Variants in RC3H2 observed in about 807,000 individuals in gnomAD.
RC3H2 encodes the protein ring finger and CCCH-type domains 2.
RC3H2 carries 31 observed loss-of-function variants against 133.3 expected under a neutral mutation model. The observed-to-expected ratio is 0.23, with a 90% CI of 0.17 to 0.31. RC3H2 has a LOEUF of 0.31. Among genes scored for constraint, RC3H2 ranks in the 10% least tolerant of loss-of-function variants. The pLI is 1.00. For missense variants in RC3H2, 1,175 were observed against 1,437.2 expected (o/e 0.82, Z 2.95); for synonymous variants, 517 against 502.2 (o/e 1.03, Z -0.40).
In RC3H2 at chr9:122,847,744, C is replaced by T. The variant is rs1484072851; in HGVS notation, c.*1883G>A. ...AAAATGTCTTCATAGGGATGGGGAG[C>T]ACTGGCCATGGCAAAAAAGGTACAG... On this transcript the variant is annotated 3_prime_UTR_variant, in exon 21 of 21. Transcript: ENST00000357244. 1.3e-5 allele frequency: 2 copies of T among 152,062 alleles called. No homozygotes were observed. Among genetic ancestry groups the T allele is most frequent in the Non-Finnish European group, 2.9e-5 (2 of 67,980 alleles). 9.4% of individuals were successfully genotyped at this position (152,062 alleles called of 1,614,324 possible).
At chr9:122,851,632 A>G (rs111625772) in intron 18 of RC3H2, 196 bp from the exon 19 acceptor site, 212 of 684,844 alleles carry the variant, frequency 3.1e-4, no homozygotes, top group Middle Eastern at 1.3e-3. Context: ...GAGTGCCTGC[A>G]ATTGCAGGCG....
rs552783833 is a variant in RC3H2 at position 122,875,513 on chromosome 9, G to T, written c.1325+1958C>A. On this transcript the variant is annotated intron_variant, in intron 9 of 20. Transcript: ENST00000357244. Reference sequence around the variant, plus strand: ...GCTACAGTGGCACTGCTGAGTGGTTGTAACAGATTCTGTGGCCCACAAAGC... The same window carrying T: ...GCTACAGTGGCACTGCTGAGTGGTTTTAACAGATTCTGTGGCCCACAAAGC... 1.1e-5 allele frequency: 13 copies of T among 1,229,012 alleles called. No individual in the cohort carries two copies. The East Asian group carries it at 3.1e-4, about 30-fold the overall frequency. 76.1% of individuals were successfully genotyped at this position (1,229,012 alleles called of 1,614,324 possible). A position where few individuals can be genotyped will look rare whatever the true frequency, so the allele number is the denominator to read the frequency against.
chr9:122,873,127 A>T (rs1321862520), intron 9 of RC3H2, among the ~76,000 whole-genome samples: 1 of 152,192 alleles, frequency 6.6e-6, no homozygotes, highest in Non-Finnish European at 1.5e-5. Context: ...AGGTAAAATT[A>T]ATTTATTTAA....
At chr9:122,894,501 G>C (rs970103204) in intron 2 of RC3H2, among the ~76,000 whole-genome samples, 2 of 152,124 alleles carry the variant, frequency 1.3e-5, no homozygotes, top group African/African-American at 4.8e-5. Flanking sequence ...AGGGGGACTG[G>C]AAATACTAGC....
chr9:122,867,648 G>A (rs1830770374), intron 9 of RC3H2, among the ~76,000 whole-genome samples: 1 of 109,400 alleles, frequency 9.1e-6, no homozygotes, highest in Non-Finnish European at 2.0e-5. Flanking sequence ...CCCATTGTCT[G>A]AGATGTGGGG....
At position 122,865,201 on chromosome 9, in the gene RC3H2, T is replaced by C. The variant is rs1181627026; in HGVS notation, c.1634+148A>G. ...TTGCAGAACCAAACTAGAACTCAAA[T>C]TTTTTAGTATTTAGTGTTTCTTCTA... On this transcript the variant is annotated intron_variant, in intron 10 of 20. Transcript: ENST00000357244. 4 of 735,386 alleles carry C rather than the reference T, an allele frequency of 5.4e-6. No homozygotes were observed. The African/African-American group carries it at 7.1e-5, about 13-fold the overall frequency. 45.6% of individuals were successfully genotyped at this position (735,386 alleles called of 1,614,324 possible).
At chr9:122,895,486 A>G (rs1450829993) in intron 2 of RC3H2, among the ~76,000 whole-genome samples, 1 of 152,156 alleles carries the variant, frequency 6.6e-6, no homozygotes, top group Non-Finnish European at 1.5e-5. Flanking sequence ...TATTCTTACA[A>G]AAAGTCTATG....
At chr9:122,878,118 C>A (rs2131453329) in intron 8 of RC3H2, among the ~76,000 whole-genome samples, 1 of 152,248 alleles carries the variant, frequency 6.6e-6, no homozygotes, top group South Asian at 2.1e-4. Context: ...CAATTTGCAT[C>A]AAAATCTAAG....
chr9:122,903,225 G>A (rs750270656), intron 1 of RC3H2, among the ~76,000 whole-genome samples: 2 of 152,324 alleles, frequency 1.3e-5, no homozygotes, highest in Non-Finnish European at 2.9e-5. Flanking sequence ...GAGACTGGAT[G>A]CAAAACATGA....
At chr9:122,866,594 A>C (rs1226647543) in intron 9 of RC3H2, among the ~76,000 whole-genome samples, 1 of 151,846 alleles carries the variant, frequency 6.6e-6, no homozygotes, top group East Asian at 1.9e-4. Flanking sequence ...TTTGGTGAAG[A>C]CGGGGTTTCA....
chr9:122,861,660 T>C (rs1282685870), intron 10 of RC3H2, among the ~76,000 whole-genome samples: 1 of 152,188 alleles, frequency 6.6e-6, no homozygotes, highest in Non-Finnish European at 1.5e-5. Flanking sequence ...TTGTTAATTA[T>C]GCAGGAACTC....
intron 9 of RC3H2, among the ~76,000 whole-genome samples, chr9:122,876,785 C>T (rs911292967): frequency 1.3e-5 from 2 of 151,084 alleles, no homozygotes; most frequent in Non-Finnish European, 2.9e-5. Flanking sequence ...TTTTAGGTCT[C>T]GGGTAAAGGG....
rs1205791249 is a variant in RC3H2, at chr9:122,877,583, G to C, written c.1213C>G (p.Pro405Ala). The C allele has an allele frequency of 1.4e-5, 23 of 1,613,308 alleles. No individual in the cohort carries two copies. The highest frequency in any genetic ancestry group is 1.9e-5 in the Non-Finnish European group (22 of 1,179,432). Residue 405 changes from proline to alanine, a missense_variant and splice_region_variant, in exon 9 of 21, where the codon CCT (proline) becomes GCT (alanine). Physicochemically the swap from Pro to Ala is conservative, Grantham distance 27. This residue lies in a region of RC3H2 where 131 missense variants were observed against 154.2 expected (regional missense o/e 0.85). Transcript: ENST00000357244. ...GTCTTGTATTTGCTGTTTGGCTGAG[G>C]CTACAAAAATGGGAACACATTCAAT... The part of the protein sequence containing the change: ...YSRKGHETPQ[P>A]QPNSKYKTSM...
chr9:122,897,210 GC>G, intron 2 of RC3H2, 68 bp downstream of exon 2: 2 of 1,409,640 alleles, frequency 1.4e-6, no homozygotes, highest in Non-Finnish European at 2.0e-6. Flanking sequence ...GGCTGGACAA[GC>G]CGTTAAAATA....
intron 1 of RC3H2, among the ~76,000 whole-genome samples, chr9:122,902,638 G>C (rs1378595243): frequency 3.3e-5 from 5 of 152,072 alleles, no homozygotes; most frequent in African/African-American, 7.2e-5. Context: ...GATCACTTGA[G>C]GTCATGAGTT....
intron 4 of RC3H2, among the ~76,000 whole-genome samples, chr9:122,888,145 T>C (rs938715301): frequency 1.3e-5 from 2 of 152,204 alleles, no homozygotes; most frequent in Non-Finnish European, 2.9e-5. Flanking sequence ...TTTAAGTTTC[T>C]AAATAACAAG....
chr9:122,901,924 ACTT>A (rs1356015860), intron 1 of RC3H2, among the ~76,000 whole-genome samples: 13 of 133,114 alleles, frequency 9.8e-5, no homozygotes, highest in East Asian at 6.7e-4. Context: ...TGAGATAACT[ACTT>A]CTTTTTTTTT....
At chr9:122,884,303 A>G (rs1308284835) in intron 4 of RC3H2, among the ~76,000 whole-genome samples, 4 of 152,118 alleles carry the variant, frequency 2.6e-5, no homozygotes, top group Non-Finnish European at 5.9e-5. Context: ...TAAAAAAAAA[A>G]TTAAACACAC....
At chr9:122,883,992 C>T (rs1281128425) in intron 4 of RC3H2, among the ~76,000 whole-genome samples, 1 of 151,988 alleles carries the variant, frequency 6.6e-6, no homozygotes, top group African/African-American at 2.4e-5. Context: ...AACTCCATCT[C>T]AAACAAATAC....
Sources: gnomAD v4.1 joint callset for allele counts (sites outside exome capture counted in the v4.1 genomes callset) on GRCh38, gnomAD v4.1.1 for gene constraint, gnomAD v4.1.1 regional missense constraint, MANE v1.5 for transcripts, NCBI Gene and HGNC (gene_info 2026-07-23, HGNC 2026-07-21) for gene names.